KIAA0825: variants seen among roughly 807,000 people sequenced by gnomAD.
KIAA0825 encodes KIAA0825.
Under a neutral mutation model 147.6 loss-of-function variants are expected in KIAA0825, and 119 were observed. The ratio of observed to expected loss-of-function variants is 0.81; its 90% CI spans 0.69 to 0.94. The LOEUF (loss-of-function observed/expected upper bound fraction) is 0.94, where lower values mean the gene tolerates loss of function less well. Among genes scored for constraint, KIAA0825 ranks in the 40% least tolerant of loss-of-function variants. The pLI is 0.00. For missense variants in KIAA0825, 1,381 were observed against 1,472.7 expected (o/e 0.94, Z 1.02); for synonymous variants, 470 against 518.1 (o/e 0.91, Z 1.26).
chr5:94,519,060 AAAT>A, intron 5 of KIAA0825: 1 of 284,386 alleles, frequency 3.5e-6, no homozygotes, highest in Non-Finnish European at 5.3e-6. Context: ...GCTTTGAGCA[AAAT>A]AATAATGTTC....
intron 6 of KIAA0825, among the ~76,000 whole-genome samples, chr5:94,478,497 C>T (rs573176524): frequency 6.8e-6 from 1 of 146,410 alleles, no homozygotes; most frequent in South Asian, 2.1e-4. Flanking sequence ...TGGGGATTTC[C>T]AGGCCCTCTT....
At chr5:94,525,917 C>G (rs776181539) in intron 3 of KIAA0825, among the ~76,000 whole-genome samples, 2 of 151,986 alleles carry the variant, frequency 1.3e-5, no homozygotes, top group African/African-American at 2.4e-5. Context: ...GGATCTCCCT[C>G]ATTGATACAA....
chr5:94,164,388 A>G lies in KIAA0825; in HGVS notation c.3711-10264T>C, dbSNP rs1005794278. Reference sequence around the variant, plus strand: ...AATGGAACAGAATAGAGAACTCAGAAACAATCCACACACCTACAGTGAACT... The same window carrying G: ...AATGGAACAGAATAGAGAACTCAGAGACAATCCACACACCTACAGTGAACT... On this transcript the variant is annotated intron_variant, in intron 20 of 20. Transcript: ENST00000682413. 6.6e-5 allele frequency among the ~76,000 whole-genome samples: 10 copies of G among 152,194 alleles called. No individual in the cohort carries two copies. The South Asian group carries it at 1.7e-3, about 25-fold the overall frequency.
intron 20 of KIAA0825, among the ~76,000 whole-genome samples, chr5:94,349,580 T>C (rs429519): frequency 0.2 from 29,961 of 152,040 alleles, 3,470 homozygotes; most frequent in Middle Eastern, 0.26. Flanking sequence ...TCATATCAAG[T>C]ACTCTCTTAG....
chr5:94,515,476 A>G (rs1162937671), intron 5 of KIAA0825, among the ~76,000 whole-genome samples: 1 of 152,180 alleles, frequency 6.6e-6, no homozygotes. Context: ...ATAAACCTTT[A>G]CGAAATAATA....
At position 94,504,458 on chromosome 5, in the gene KIAA0825, G is replaced by T. The variant is rs555886494; in HGVS notation, c.970+15790C>A. Among the ~76,000 whole-genome samples the T allele has an allele frequency of 5.5e-4, 84 of 152,222 alleles. 1 individual carries two copies. Among genetic ancestry groups the T allele is most frequent in the African/African-American group, 2.0e-3 (81 of 41,534 alleles). On this transcript the variant is annotated intron_variant, in intron 5 of 20. Transcript: ENST00000682413. ...CTTGAAGGCTAGAACACTCCAAAAG[G>T]CTTATGATAAATTAGGGAAATAGTC...
Position 94,396,224 on chromosome 5 carries a change from A to C in KIAA0825, c.3173T>G (p.Ile1058Ser). Residue 1058 changes from isoleucine to serine, a missense_variant, in exon 17 of 21, where the codon ATC (isoleucine) becomes AGC (serine). Transcript: ENST00000682413. ...ATGGATACTTGTCTGGTCTCCCATG[A>C]TGCTTTTCAAACACATACAAATTAA... is the stretch of plus-strand genomic sequence containing the variant. ...LGLICMCLKS[I>S]MGDQTSIHNQ... is the part of the protein sequence containing the mutation. 2 of 1,551,728 alleles carry C rather than the reference A, an allele frequency of 1.3e-6. No individual in the cohort carries two copies. Among genetic ancestry groups the C allele is most frequent in the Non-Finnish European group, 8.7e-7 (1 of 1,146,982 alleles).
chr5:94,314,659 T>C (rs996133299), intron 20 of KIAA0825, among the ~76,000 whole-genome samples: 1 of 151,624 alleles, frequency 6.6e-6, no homozygotes, highest in Non-Finnish European at 1.5e-5. Flanking sequence ...TTTTGTTCGC[T>C]GTATTCTTGT....
At chr5:94,591,255 A>G (rs184084630) in intron 1 of KIAA0825, among the ~76,000 whole-genome samples, 8 of 152,242 alleles carry the variant, frequency 5.3e-5, no homozygotes, top group Non-Finnish European at 1.0e-4. Context: ...CCTGATATCC[A>G]TGGCAGAGAG....
chr5:94,596,105 A>G (rs1785263430), intron 1 of KIAA0825, among the ~76,000 whole-genome samples: 1 of 152,082 alleles, frequency 6.6e-6, no homozygotes, highest in Admixed American at 6.6e-5. Context: ...ATTAGGTACT[A>G]TTTGTCAATT....
intron 5 of KIAA0825, among the ~76,000 whole-genome samples, chr5:94,508,662 G>T (rs1335210078): frequency 6.6e-6 from 1 of 152,168 alleles, no homozygotes; most frequent in Non-Finnish European, 1.5e-5. Context: ...AACAATTGTT[G>T]CATGGCTTCC....
At chr5:94,481,018 C>G (rs1762441624) in intron 6 of KIAA0825, among the ~76,000 whole-genome samples, 1 of 152,050 alleles carries the variant, frequency 6.6e-6, no homozygotes, top group African/African-American at 2.4e-5. Context: ...ATGTAAAACT[C>G]TATGAACTCT....
chr5:94,398,772 A>G (rs1750999080), intron 16 of KIAA0825, among the ~76,000 whole-genome samples: 2 of 152,190 alleles, frequency 1.3e-5, no homozygotes, highest in Non-Finnish European at 2.9e-5. Flanking sequence ...GAATTTGAAC[A>G]TTAAAACTGA....
intron 20 of KIAA0825, among the ~76,000 whole-genome samples, chr5:94,297,508 T>C (rs966983734): frequency 6.6e-6 from 1 of 152,240 alleles, no homozygotes; most frequent in African/African-American, 2.4e-5. Context: ...TTACTGTTTT[T>C]ATTGACATTA....
At chr5:94,388,264 C>T (rs570877307) in intron 18 of KIAA0825, among the ~76,000 whole-genome samples, 2 of 152,276 alleles carry the variant, frequency 1.3e-5, no homozygotes, top group East Asian at 3.9e-4. Flanking sequence ...TGGTAATGCA[C>T]ACTATCCCGC....
rs77926166 is a variant in KIAA0825 at position 94,616,891 on chromosome 5, A to G, written c.-153+1609T>C. On this transcript the variant is annotated intron_variant, in intron 1 of 20. Coordinates refer to ENST00000682413, the MANE Select transcript of KIAA0825 (RefSeq NM_001145678.3). ...ATCCATTTTTACCTGGAGTGAAAAT[A>G]ATGATACTGTTATGTTTACTTATAA... 4.5e-3 allele frequency among the ~76,000 whole-genome samples: 683 copies of G among 152,338 alleles called. 3 individuals are homozygous for G. Among genetic ancestry groups the G allele is most frequent in the African/African-American group, 0.016 (655 of 41,570 alleles).
chr5:94,452,612 G>A (rs911631668), intron 13 of KIAA0825, among the ~76,000 whole-genome samples: 6 of 152,038 alleles, frequency 3.9e-5, no homozygotes, highest in African/African-American at 1.4e-4. Context: ...TCTACCTAAG[G>A]CTCTGAGTTA....
At chr5:94,381,764 C>G (rs978776598) in intron 20 of KIAA0825, among the ~76,000 whole-genome samples, 1 of 152,094 alleles carries the variant, frequency 6.6e-6, no homozygotes, top group Admixed American at 6.6e-5. Flanking sequence ...AATCTAAAGT[C>G]AAAGTAAGTG....
At chr5:94,581,477 ATTAAGGTTGTGACAC>A (rs1410596001) in intron 2 of KIAA0825, among the ~76,000 whole-genome samples, 2 of 152,184 alleles carry the variant, frequency 1.3e-5, no homozygotes, top group Non-Finnish European at 2.9e-5. Context: ...AAAAGTTGAC[ATTAAGGTTGTGACAC>A]CAACCAAAAC....
Sources: gnomAD v4.1 joint callset for allele counts (sites outside exome capture counted in the v4.1 genomes callset) on GRCh38, gnomAD v4.1.1 for gene constraint, MANE v1.5 for transcripts, NCBI Gene and HGNC (gene_info 2026-07-23, HGNC 2026-07-21) for gene names.